The following PIK3CD variants were observed in gnomAD, a reference collection of about 807,000 sequenced individuals.
PIK3CD encodes phosphatidylinositol-4,5-bisphosphate 3-kinase catalytic subunit delta.
PIK3CD carries 20 observed loss-of-function variants against 122.9 expected under a neutral mutation model. That is an observed-to-expected ratio of 0.16 (90% CI 0.11 to 0.24). The LOEUF (loss-of-function observed/expected upper bound fraction) is 0.24, where lower values mean the gene tolerates loss of function less well. Ranked by LOEUF, PIK3CD falls within the 10% of genes least tolerant of loss-of-function variation. PIK3CD has a pLI of 1.00. For synonymous variants in PIK3CD, 596 were observed against 593.4 expected (o/e 1.00, Z -0.06); for missense variants, 787 against 1,406.3 (o/e 0.56, Z 7.04).
intron 1 of PIK3CD, among the ~76,000 whole-genome samples, chr1:9,674,402 G>A (rs570978248): frequency 4.6e-5 from 7 of 152,246 alleles, no homozygotes; most frequent in South Asian, 2.1e-4. Flanking sequence ...AAGGTTGGCC[G>A]GGCGCGGTGG....
the PIK3CD span, among the ~76,000 whole-genome samples, chr1:9,645,343 C>T: frequency 2.0e-5 from 3 of 152,146 alleles, no homozygotes; most frequent in South Asian, 6.2e-4. Context: ...TTAGCTTAAG[C>T]TTCCTGGCAC....
chr1:9,687,483 C>G (rs557280895), intron 1 of PIK3CD: 2 of 152,018 alleles, frequency 1.3e-5, no homozygotes, highest in South Asian at 2.1e-4. Context: ...CTGACTCACC[C>G]GTCGGCTGAG....
At chr1:9,697,930 C>G (rs1646483181) in intron 2 of PIK3CD, among the ~76,000 whole-genome samples, 1 of 151,800 alleles carries the variant, frequency 6.6e-6, no homozygotes, top group African/African-American at 2.4e-5. Context: ...TATTTGGGAG[C>G]TGTGATGAGA....
At chr1:9,673,541 A>G (rs903200339) in intron 1 of PIK3CD, among the ~76,000 whole-genome samples, 65 of 152,206 alleles carry the variant, frequency 4.3e-4, no homozygotes, top group African/African-American at 1.6e-3. Flanking sequence ...GATTACAGGC[A>G]TGAGCCACCA....
Position 9,726,982 on chromosome 1 carries a change from G to A in PIK3CD, c.3071G>A (p.Arg1024His), listed in dbSNP as rs759704849. 14 of 1,613,922 alleles carry A rather than the reference G, an allele frequency of 8.7e-6. No homozygotes were observed. Among genetic ancestry groups the A allele is most frequent in the Admixed American group, 1.7e-5 (1 of 59,974 alleles). The change falls in exon 24 of 24, where the codon CGT (arginine) becomes CAT (histidine). Residue 1024 changes from arginine (R) to histidine (H), a missense_variant. Around this residue, in one of 6 missense-constraint regions of PIK3CD, gnomAD observed 60 missense variants for 129.5 expected, o/e 0.46. Transcript: ENST00000377346. Reference sequence around the variant, plus strand: ...CGAGTGAAGTTTAACGAAGCCCTCCGTGAGAGCTGGAAAACCAAAGTGAAC... The same window carrying A: ...CGAGTGAAGTTTAACGAAGCCCTCCATGAGAGCTGGAAAACCAAAGTGAAC... ...HFRVKFNEALRESWKTKVNWL... is the reference protein window; with the variant it reads ...HFRVKFNEALHESWKTKVNWL...
chr1:9,643,073 CAAAGA>C, the PIK3CD span, among the ~76,000 whole-genome samples: 11 of 149,340 alleles, frequency 7.4e-5, no homozygotes, highest in Non-Finnish European at 1.5e-4. Flanking sequence ...AATCCTGTCT[CAAAGA>C]AAAGAAAAGA....
intron 23 of PIK3CD, among the ~76,000 whole-genome samples, 200 bp downstream of exon 23, chr1:9,725,136 C>A (rs1339246764): frequency 6.6e-6 from 1 of 152,208 alleles, no homozygotes; most frequent in Non-Finnish European, 1.5e-5. Flanking sequence ...GCCGCCCAGG[C>A]ATGGTTCCAC....
Position 9,710,656 on chromosome 1 carries a change from C to CAG in PIK3CD, c.141+61_141+62insGA. 2 of 1,335,484 alleles carry CAG rather than the reference C, an allele frequency of 1.5e-6. No homozygotes were observed. The highest frequency in any genetic ancestry group is 1.5e-5 in the African/African-American group (1 of 66,112). 82.7% of individuals were successfully genotyped at this position (1,335,484 alleles called of 1,614,324 possible). A position where few individuals can be genotyped will look rare whatever the true frequency, so the allele number is the denominator to read the frequency against. ...TCAGAGAGAGAGAGAGAGAGAGAGA[C>CAG]ACAGATAGACAGACAGACAGACAGA... On this transcript the variant is annotated intron_variant, in intron 3 of 23. Transcript: ENST00000377346. The surrounding 1 kb of genome is among the most constrained non-coding windows in gnomAD (Gnocchi z 4.7).
Position 9,667,134 on chromosome 1 carries a change from C to G in PIK3CD, c.-138+15332C>G, listed in dbSNP as rs182268470. On this transcript the variant is annotated intron_variant, in intron 1 of 23. Transcript: ENST00000377346. ...TCGCCTCTGCCTCCCAAAGTGCTAG[C>G]ATTACAGGCATGAGCCACTGCGCCC... Among the ~76,000 whole-genome samples the G allele has an allele frequency of 7.8e-3, 1,191 of 152,048 alleles. 36 individuals are homozygous for G. The highest frequency in any genetic ancestry group is 0.049 in the Admixed American group (747 of 15,272).
Position 9,710,706 on chromosome 1 carries a change from C to A in PIK3CD, c.141+110C>A. Reference sequence around the variant, plus strand: ...ACAGATGGACAGGTGGACAGACGGACAGACAGATGGACAGATGCACTGCTT... The same window carrying A: ...ACAGATGGACAGGTGGACAGACGGAAAGACAGATGGACAGATGCACTGCTT... On this transcript the variant is annotated intron_variant, in intron 3 of 23. Coordinates refer to ENST00000377346, the MANE Select transcript of PIK3CD (RefSeq NM_005026.5). The surrounding 1 kb of genome is among the most constrained non-coding windows in gnomAD (Gnocchi z 4.7). The A allele has an allele frequency of 8.4e-7, 1 of 1,193,126 alleles. No individual in the cohort carries two copies. The highest frequency in any genetic ancestry group is 1.2e-6 in the Non-Finnish European group (1 of 805,978). The allele number at this position is 1,193,126 out of a possible 1,614,324, so 73.9% of individuals were successfully genotyped here.
At chr1:9,675,775 C>CT (rs1344841595) in intron 1 of PIK3CD, among the ~76,000 whole-genome samples, 1 of 145,330 alleles carries the variant, frequency 6.9e-6, no homozygotes, top group Admixed American at 7.1e-5. Context: ...TTGTTTTTTC[C>CT]TTTTTTTAGA....
chr1:9,678,315 G>A (rs1055232134), intron 1 of PIK3CD, among the ~76,000 whole-genome samples: 1 of 151,968 alleles, frequency 6.6e-6, no homozygotes, highest in Non-Finnish European at 1.5e-5. Context: ...AACTATCCAG[G>A]CATGGTGGCA....
chr1:9,651,377 C>CAA (rs1557584543), upstream of PIK3CD, among the ~76,000 whole-genome samples: 1 of 152,138 alleles, frequency 6.6e-6, no homozygotes, highest in Non-Finnish European at 1.5e-5. Context: ...TGCAGGTTAC[C>CAA]CCCTCTTCTT....
At chr1:9,629,000 T>A in the PIK3CD span, among the ~76,000 whole-genome samples, 9 of 149,594 alleles carry the variant, frequency 6.0e-5, no homozygotes, top group Non-Finnish European at 8.9e-5. Flanking sequence ...CGAGGGGGCT[T>A]CATGACCCAA....
rs537512581 is a variant in PIK3CD at position 9,710,353 on chromosome 1, C to A, written c.-32-71C>A. The A allele has an allele frequency of 4.8e-6, 6 of 1,258,414 alleles. No homozygotes were observed. The Admixed American group carries it at 1.0e-4, about 21-fold the overall frequency. The allele number at this position is 1,258,414 out of a possible 1,614,324, so 78.0% of individuals were successfully genotyped here. On this transcript the variant is annotated intron_variant, in intron 2 of 23. Coordinates refer to ENST00000377346, the MANE Select transcript of PIK3CD (RefSeq NM_005026.5). This position sits in a 1 kb window ranked among gnomAD's most constrained non-coding sequence, Gnocchi z 4.7. ...GCTGTCCAAGGACCCCACTGTTTTC[C>A]AGGGAGTCCCTTCCAAAGGTCTCAC...
rs1646193423 is a variant in PIK3CD at position 9,691,466 on chromosome 1, G to A, written c.-137-1G>A. 2.5e-6 allele frequency: 1 copy of A among 398,428 alleles called. No individual in the cohort carries two copies. The highest frequency in any genetic ancestry group is 4.4e-6 in the Non-Finnish European group (1 of 226,068). The allele number at this position is 398,428 out of a possible 1,614,324, so 24.7% of individuals were successfully genotyped here. A position where few individuals can be genotyped will look rare whatever the true frequency, so the allele number is the denominator to read the frequency against. Reference sequence around the variant, plus strand: ...CTTTCTTTCTTTCTTTTCCCCAACAGATAAGGAGTCAGGCCAGGGCGGGAT... The same window carrying A: ...CTTTCTTTCTTTCTTTTCCCCAACAAATAAGGAGTCAGGCCAGGGCGGGAT... On this transcript the variant is annotated splice_acceptor_variant, in intron 1 of 23. Coordinates refer to ENST00000377346, the MANE Select transcript of PIK3CD (RefSeq NM_005026.5). LOFTEE classifies it low-confidence loss of function (5UTR_SPLICE).
intron 3 of PIK3CD, among the ~76,000 whole-genome samples, chr1:9,712,134 C>G (rs943288795): frequency 5.3e-5 from 8 of 151,918 alleles, no homozygotes; most frequent in African/African-American, 1.9e-4. Flanking sequence ...ACTACTGAGT[C>G]AAAGGATTAA....
chr1:9,694,114 C>T (rs1360582151), intron 2 of PIK3CD, among the ~76,000 whole-genome samples: 1 of 152,204 alleles, frequency 6.6e-6, no homozygotes, highest in African/African-American at 2.4e-5. Flanking sequence ...TCCTGGGTAG[C>T]TCCCCGAACA....
In PIK3CD at chr1:9,710,221, C is replaced by T; in HGVS notation, c.-32-203C>T. On this transcript the variant is annotated intron_variant, in intron 2 of 23. Transcript: ENST00000377346. The surrounding 1 kb of genome is among the most constrained non-coding windows in gnomAD (Gnocchi z 4.7). ...TGCCTGGGAGAAGAGGCAGCTGAGG[C>T]CGTGGCCCGGAGTAGTAGGAGCCAC... The T allele has an allele frequency of 1.8e-6, 1 of 556,134 alleles. No homozygotes were observed. The highest frequency in any genetic ancestry group is 3.3e-6 in the Non-Finnish European group (1 of 306,198). The allele number at this position is 556,134 out of a possible 1,614,324, so 34.4% of individuals were successfully genotyped here. A position where few individuals can be genotyped will look rare whatever the true frequency, so the allele number is the denominator to read the frequency against.
Sources: gnomAD v4.1 joint callset for allele counts (sites outside exome capture counted in the v4.1 genomes callset) on GRCh38, gnomAD v4.1.1 for gene constraint, gnomAD v4.1.1 regional missense constraint, Gnocchi (gnomAD v3.1) non-coding constraint, MANE v1.5 for transcripts, NCBI Gene and HGNC (gene_info 2026-07-23, HGNC 2026-07-21) for gene names.